SPAG9: variants seen among roughly 807,000 people sequenced by gnomAD.
SPAG9 encodes C-Jun-amino-terminal kinase-interacting protein 4.
SPAG9 carries 35 observed loss-of-function variants against 166.5 expected under a neutral mutation model. The ratio of observed to expected loss-of-function variants is 0.21; its 90% confidence interval spans 0.16 to 0.28. The LOEUF is 0.28. Among genes scored for constraint, SPAG9 ranks in the 10% least tolerant of loss-of-function variants. SPAG9 has a pLI of 1.00. For synonymous variants in SPAG9, 534 were observed against 565.5 expected (o/e 0.94, Z 0.79); for missense variants, 1,235 against 1,603.3 (o/e 0.77, Z 3.92).
intron 9 of SPAG9, among the ~76,000 whole-genome samples, chr17:51,009,623 T>C (rs2045380316): frequency 6.6e-6 from 1 of 152,332 alleles, no homozygotes; most frequent in African/African-American, 2.4e-5. Flanking sequence ...GTACTTCTAT[T>C]GTTGGTCTTT....
Position 50,995,529 on chromosome 17 carries a change from G to T in SPAG9, c.1973C>A (p.Thr658Asn), listed in dbSNP as rs1272867766. ...CATCTTATTTTCACCTTGACCATTGGTTACCTAATAATGGTGGAAGGAGGA... is the reference window on the plus strand; with the variant it reads ...CATCTTATTTTCACCTTGACCATTGTTTACCTAATAATGGTGGAAGGAGGA... The part of the protein sequence containing the change: ...WSLPQKYKQV[T>N]NGQGENKMKN... The change falls in exon 17 of 30, where the codon ACC becomes AAC. Residue 658 changes from threonine (T) to asparagine (N), a missense_variant. Thr to Asn is a moderately conservative substitution (Grantham distance 65, BLOSUM62 0). This residue lies in a region of SPAG9 where 493 missense variants were observed against 559.4 expected (regional missense o/e 0.88). Transcript: ENST00000262013. 6.3e-7 allele frequency: 1 copy of T among 1,596,778 alleles called. No homozygotes were observed. The highest frequency in any genetic ancestry group is 1.1e-5 in the South Asian group (1 of 90,666).
intron 2 of SPAG9, among the ~76,000 whole-genome samples, chr17:51,068,673 G>A (rs2047738690): frequency 6.6e-6 from 1 of 152,082 alleles, no homozygotes; most frequent in Non-Finnish European, 1.5e-5. Context: ...CAGACAAACA[G>A]CTTGCTACAC....
At position 50,970,689 on chromosome 17, in the gene SPAG9, C is replaced by A. The variant is rs1433145788; in HGVS notation, c.3850+18G>T. 4 of 1,611,528 alleles carry A rather than the reference C, an allele frequency of 2.5e-6. No homozygotes were observed. Among genetic ancestry groups the A allele is most frequent in the African/African-American group, 1.3e-5 (1 of 74,944 alleles). On this transcript the variant is annotated intron_variant, in intron 29 of 29. Transcript: ENST00000262013. Reference sequence around the variant, plus strand: ...ATAGCACACAGTGCAAACTGAGCACCCAGAACCAATGACATACCCATTCGG... The same window carrying A: ...ATAGCACACAGTGCAAACTGAGCACACAGAACCAATGACATACCCATTCGG...
At chr17:51,101,748 G>C (rs543107998) in intron 1 of SPAG9, among the ~76,000 whole-genome samples, 2 of 151,796 alleles carry the variant, frequency 1.3e-5, no homozygotes, top group Non-Finnish European at 2.9e-5. Context: ...CTCAGCCTCC[G>C]GAGTAGCTGG....
At chr17:50,998,022 A>AT (rs563896612) in intron 15 of SPAG9, among the ~76,000 whole-genome samples, 13,377 of 90,672 alleles carry the variant, frequency 0.15, 2,205 homozygotes, top group Non-Finnish European at 0.21. Flanking sequence ...TACAGAAATG[A>AT]TTTTTTTTTT....
At chr17:51,053,960 A>C (rs1443152832) in intron 3 of SPAG9, among the ~76,000 whole-genome samples, 1 of 144,152 alleles carries the variant, frequency 6.9e-6, no homozygotes, top group African/African-American at 2.5e-5. Context: ...AACAGTACAT[A>C]GAGTACATTG....
intron 5 of SPAG9, among the ~76,000 whole-genome samples, chr17:51,037,286 T>C (rs2046625266): frequency 6.6e-6 from 1 of 152,020 alleles, no homozygotes; most frequent in Non-Finnish European, 1.5e-5. Flanking sequence ...AAATATTTTG[T>C]AGAGACAGAG....
At chr17:51,119,692 T>C (rs1273316329) in intron 1 of SPAG9, among the ~76,000 whole-genome samples, 5 of 152,222 alleles carry the variant, frequency 3.3e-5, no homozygotes, top group African/African-American at 1.2e-4. Flanking sequence ...TGAAGGGAAC[T>C]GTCCAAGGTT....
At chr17:51,049,900 G>A (rs1440441995) in intron 3 of SPAG9, among the ~76,000 whole-genome samples, 1 of 152,168 alleles carries the variant, frequency 6.6e-6, no homozygotes, top group Admixed American at 6.5e-5. Context: ...GCCCAGCCGT[G>A]AATTCTTATA....
intron 16 of SPAG9, 93 bp downstream of exon 16, chr17:50,996,472 G>A: frequency 7.0e-7 from 1 of 1,435,932 alleles, no homozygotes; most frequent in Non-Finnish European, 9.7e-7. Flanking sequence ...GATGAGCAGG[G>A]CTGGGATGCG....
chr17:51,049,130 G>A (rs1488921370), intron 3 of SPAG9, among the ~76,000 whole-genome samples: 1 of 152,134 alleles, frequency 6.6e-6, no homozygotes, highest in East Asian at 1.9e-4. Context: ...TGTAATCCCA[G>A]CACTTTGGGA....
chr17:50,962,689 C>G lies in SPAG9; in HGVS notation c.*3583G>C, dbSNP rs1973186556. On this transcript the variant is annotated 3_prime_UTR_variant, in exon 30 of 30. Coordinates refer to ENST00000262013, the MANE Select transcript of SPAG9 (RefSeq NM_001130528.3). ...TAATACTCACAAGGAAATAAATATT[C>G]AGTTCCATGGCATTTGCAAGACACA... The G allele has an allele frequency of 6.6e-6, 1 of 152,178 alleles. No homozygotes were observed. Among genetic ancestry groups the G allele is most frequent in the Non-Finnish European group, 1.5e-5 (1 of 68,022 alleles). The allele number at this position is 152,178 out of a possible 1,614,324, so 9.4% of individuals were successfully genotyped here.
At chr17:50,993,706 G>T in intron 19 of SPAG9, 58 bp downstream of exon 19, 1 of 1,545,324 alleles carries the variant, frequency 6.5e-7, no homozygotes, top group Non-Finnish European at 8.9e-7. Flanking sequence ...TGCTACATCA[G>T]TGCCCAGCAG....
intron 1 of SPAG9, among the ~76,000 whole-genome samples, chr17:51,081,434 G>A (rs2048161214): frequency 6.7e-6 from 1 of 150,190 alleles, no homozygotes; most frequent in African/African-American, 2.5e-5. Flanking sequence ...CTGGGCGACA[G>A]AACAAGACCC....
chr17:51,037,720 G>A (rs1280032043), intron 5 of SPAG9, among the ~76,000 whole-genome samples: 1 of 130,696 alleles, frequency 7.7e-6, no homozygotes, highest in Admixed American at 8.2e-5. Flanking sequence ...GTGTGTGTGT[G>A]TATAAACATT....
chr17:51,030,913 CTT>C (rs35796324), intron 6 of SPAG9: 1,312 of 109,176 alleles, frequency 0.012, 12 homozygotes, highest in African/African-American at 0.041. Context: ...ATGTAGCAGG[CTT>C]TTTTTTTTTT....
At chr17:51,007,762 T>A (rs377371305) in intron 9 of SPAG9, 22 of 411,848 alleles carry the variant, frequency 5.3e-5, no homozygotes, top group African/African-American at 4.2e-4. Context: ...TGCCTAAAAA[T>A]TAGACCTTAT....
rs1227606632 is a variant in SPAG9, at chr17:50,977,287, C to T, written c.3410-66G>A. The T allele has an allele frequency of 3.1e-6, 3 of 971,914 alleles. No homozygotes were observed. In the East Asian group the frequency reaches 7.2e-5, roughly 23 times the overall value. 60.2% of individuals were successfully genotyped at this position (971,914 alleles called of 1,614,324 possible). A position where few individuals can be genotyped will look rare whatever the true frequency, so the allele number is the denominator to read the frequency against. ...CAGACAGTGTTTTACATTCCAAGTTCCTTAGAAGTAGCAGGATTACAAAAC... is the reference window on the plus strand; with the variant it reads ...CAGACAGTGTTTTACATTCCAAGTTTCTTAGAAGTAGCAGGATTACAAAAC... On this transcript the variant is annotated intron_variant, in intron 26 of 29. Coordinates refer to ENST00000262013, the MANE Select transcript of SPAG9 (RefSeq NM_001130528.3).
intron 5 of SPAG9, among the ~76,000 whole-genome samples, chr17:51,032,559 A>G (rs2046421978): frequency 6.6e-6 from 1 of 152,206 alleles, no homozygotes; most frequent in South Asian, 2.1e-4. Context: ...TTAAATACAA[A>G]GCAACAGTTT....
Sources: allele counts gnomAD v4.1 joint callset (sites outside exome capture counted in the v4.1 genomes callset), GRCh38; gene constraint gnomAD v4.1.1; regional missense constraint gnomAD v4.1.1; transcripts MANE v1.5; gene names NCBI Gene and HGNC (gene_info 2026-07-23, HGNC 2026-07-21).